The following FRMD4A variants were observed in gnomAD, a reference collection of about 807,000 sequenced individuals.
FRMD4A encodes the protein FERM domain-containing protein 4A.
A neutral mutation model predicts 129.1 loss-of-function variants in FRMD4A; 29 were observed. The ratio of observed to expected loss-of-function variants is 0.22; its 90% CI spans 0.17 to 0.31. The LOEUF is 0.31. FRMD4A is among the 10% of genes least tolerant of loss of function. The pLI is 1.00. For missense variants in FRMD4A, 1,272 were observed against 1,375.8 expected, an observed-to-expected ratio of 0.92 and a Z score of 1.19; for synonymous variants, 634 against 571.6, an observed-to-expected ratio of 1.11 and a Z score of -1.56.
At chr10:14,326,586 A>G (rs141582405) in intron 2 of FRMD4A, 154 of 362,062 alleles carry the variant, frequency 4.3e-4, no homozygotes, top group African/African-American at 2.7e-3. Context: ...TTCCATTAAA[A>G]ACTATTTTAA....
chr10:13,926,804 CA>C (rs1157736072), intron 2 of FRMD4A, among the ~76,000 whole-genome samples: 1 of 152,200 alleles, frequency 6.6e-6, no homozygotes, highest in Non-Finnish European at 1.5e-5. Flanking sequence ...CTAAAAGACC[CA>C]CATACTTTTA....
chr10:14,326,792 G>A (rs77446132), intron 2 of FRMD4A: 9 of 398,456 alleles, frequency 2.3e-5, no homozygotes, highest in African/African-American at 6.2e-5. Context: ...AGAGCTTCCC[G>A]CTCTACAATT....
At chr10:14,198,842 G>A (rs1236727616) in intron 2 of FRMD4A, among the ~76,000 whole-genome samples, 1 of 152,144 alleles carries the variant, frequency 6.6e-6, no homozygotes, top group Non-Finnish European at 1.5e-5. Context: ...ACCGCTCTAA[G>A]TCTCAGTTTT....
In FRMD4A at chr10:13,714,036, AT is replaced by A. The variant is rs1165644588; in HGVS notation, c.760-6924del. Among the ~76,000 whole-genome samples, 9 of 4,700 alleles carry A rather than the reference AT, an allele frequency of 1.9e-3. 1 individual carries two copies. Among genetic ancestry groups the A allele is most frequent in the African/African-American group, 5.1e-3 (8 of 1,568 alleles). The allele number at this position is 4,700 out of a possible 152,430, so 3.1% of individuals were successfully genotyped here. On this transcript the variant is annotated intron_variant, in intron 12 of 24. Transcript: ENST00000357447. ...ACATATATAAAATATACATATATATATATATATATATATATATATATATAAA... is the reference window on the plus strand; with the variant it reads ...ACATATATAAAATATACATATATATAATATATATATATATATATATATAAA...
At chr10:13,658,792 G>T (rs1206243146) in intron 21 of FRMD4A, among the ~76,000 whole-genome samples, 4 of 149,612 alleles carry the variant, frequency 2.7e-5, no homozygotes, top group African/African-American at 9.9e-5. Context: ...TGAGGCAGGA[G>T]AATCGCTTGA....
intron 2 of FRMD4A, among the ~76,000 whole-genome samples, chr10:14,304,664 G>A (rs1846288202): frequency 1.3e-5 from 2 of 152,154 alleles, no homozygotes; most frequent in South Asian, 4.1e-4. Context: ...GTCTGTCTAT[G>A]TCCCACCAGA....
intron 2 of FRMD4A, among the ~76,000 whole-genome samples, chr10:14,114,567 A>C (rs1024981577): frequency 1.3e-5 from 2 of 152,224 alleles, no homozygotes; most frequent in African/African-American, 4.8e-5. Flanking sequence ...AAGAGCAGAA[A>C]GGAATGACCA....
At chr10:14,171,361 T>C (rs992230939) in intron 2 of FRMD4A, among the ~76,000 whole-genome samples, 5 of 152,120 alleles carry the variant, frequency 3.3e-5, no homozygotes, top group Admixed American at 6.6e-5. Context: ...GCATTATATA[T>C]AAAAGGAAGA....
At chr10:13,770,392 A>G (rs1266410196) in intron 6 of FRMD4A, among the ~76,000 whole-genome samples, 5 of 152,132 alleles carry the variant, frequency 3.3e-5, no homozygotes, top group African/African-American at 1.2e-4. Context: ...CCATGTCAGG[A>G]TCTCAAGGAA....
Position 14,237,394 on chromosome 10 carries a change from G to C in FRMD4A, c.45+92664C>G, listed in dbSNP as rs533061875. On this transcript the variant is annotated intron_variant, in intron 2 of 24. Coordinates refer to ENST00000357447, the MANE Select transcript of FRMD4A (RefSeq NM_018027.5). ...CGCCCAGGCTGGAGTGCAATGGCAG[G>C]ATCTCAGCTCACTGTAACCTCTGCC... Among the ~76,000 whole-genome samples the C allele has an allele frequency of 2.0e-5, 3 of 152,176 alleles. No individual in the cohort carries two copies. The South Asian group carries it at 6.2e-4, about 32-fold the overall frequency.
chr10:14,001,288 T>C (rs58682602), intron 2 of FRMD4A, among the ~76,000 whole-genome samples: 2,911 of 152,248 alleles, frequency 0.019, 92 homozygotes, highest in East Asian at 0.14. Context: ...AACACCAAAG[T>C]TGAAAAGCAT....
chr10:13,801,017 G>A (rs2093241275), intron 4 of FRMD4A, among the ~76,000 whole-genome samples: 1 of 152,222 alleles, frequency 6.6e-6, no homozygotes, highest in African/African-American at 2.4e-5. Flanking sequence ...GGGAGGCCAT[G>A]GCAGGTGGAT....
At chr10:14,221,596 G>A (rs545601863) in intron 2 of FRMD4A, among the ~76,000 whole-genome samples, 11 of 152,092 alleles carry the variant, frequency 7.2e-5, no homozygotes, top group Non-Finnish European at 1.5e-4. Flanking sequence ...CTCTTGCTCT[G>A]TTGCCCAGGC....
At chr10:14,156,287 T>C (rs1231867338) in intron 2 of FRMD4A, among the ~76,000 whole-genome samples, 1 of 152,072 alleles carries the variant, frequency 6.6e-6, no homozygotes, top group Non-Finnish European at 1.5e-5. Context: ...ATTACAACAA[T>C]ACACACCCAC....
chr10:13,714,479 C>G (rs1209018774), intron 12 of FRMD4A, among the ~76,000 whole-genome samples: 2 of 151,900 alleles, frequency 1.3e-5, no homozygotes, highest in East Asian at 3.9e-4. Context: ...AGGCAAGGCC[C>G]TTGGGTTTCA....
chr10:13,714,338 T>G (rs980418250), intron 12 of FRMD4A, among the ~76,000 whole-genome samples: 3 of 151,340 alleles, frequency 2.0e-5, no homozygotes, highest in Non-Finnish European at 4.4e-5. Context: ...GCTAGGATTA[T>G]AGGTGTGAGC....
intron 2 of FRMD4A, among the ~76,000 whole-genome samples, chr10:14,262,712 T>C (rs1844846524): frequency 6.6e-6 from 1 of 152,122 alleles, no homozygotes; most frequent in East Asian, 1.9e-4. Flanking sequence ...CGAGACAAAT[T>C]ATAAAGCTCC....
chr10:14,071,829 C>G (rs568270770), intron 2 of FRMD4A, among the ~76,000 whole-genome samples: 1 of 151,964 alleles, frequency 6.6e-6, no homozygotes, highest in African/African-American at 2.4e-5. Context: ...GATGAGAACA[C>G]TGGGTGAGGG....
At chr10:14,103,421 T>C (rs1247758422) in intron 2 of FRMD4A, among the ~76,000 whole-genome samples, 1 of 152,164 alleles carries the variant, frequency 6.6e-6, no homozygotes, top group South Asian at 2.1e-4. Flanking sequence ...CAAGTAGCTA[T>C]TTGGGGCTGT....
Sources: gnomAD v4.1 joint callset for allele counts (sites outside exome capture counted in the v4.1 genomes callset) on GRCh38, gnomAD v4.1.1 for gene constraint, MANE v1.5 for transcripts, NCBI Gene and HGNC (gene_info 2026-07-23, HGNC 2026-07-21) for gene names.